HRH2: variants seen among roughly 807,000 people sequenced by gnomAD.
HRH2 encodes the protein histamine H2 receptor.
In HRH2, 4 loss-of-function variants were observed where a neutral mutation model predicts 20.1. That is an observed-to-expected ratio of 0.20 (90% CI 0.10 to 0.45). The LOEUF (loss-of-function observed/expected upper bound fraction) is 0.45, where lower values mean the gene tolerates loss of function less well. Among genes scored for constraint, HRH2 ranks in the 20% least tolerant of loss-of-function variants. HRH2 has a pLI of 0.99. For synonymous variants in HRH2, 197 were observed against 200.7 expected, an observed-to-expected ratio of 0.98 and a Z score of 0.16; for missense variants, 250 against 461.6, an observed-to-expected ratio of 0.54 and a Z score of 4.20.
chr5:175,697,372 A>G (rs1756631387), intron 2 of HRH2, among the ~76,000 whole-genome samples: 1 of 150,872 alleles, frequency 6.6e-6, no homozygotes, highest in South Asian at 2.1e-4. Flanking sequence ...CTGAGGCAGG[A>G]GAATGGCATG....
chr5:175,667,243 C>T (rs929212725), intron 1 of HRH2, among the ~76,000 whole-genome samples: 5 of 151,908 alleles, frequency 3.3e-5, no homozygotes, highest in African/African-American at 4.8e-5. Flanking sequence ...CAGGAGTTCG[C>T]GACCAGTCTG....
At chr5:175,684,490 C>A in intron 2 of HRH2, 181 bp downstream of exon 2, 1 of 396,710 alleles carries the variant, frequency 2.5e-6, no homozygotes, top group Non-Finnish European at 3.4e-6. Flanking sequence ...TAGAACTTAG[C>A]TCCCTTTTAA....
In HRH2 at chr5:175,681,362, C is replaced by A. The variant is rs1755964510; in HGVS notation, c.-525-1347C>A. Among the ~76,000 whole-genome samples, 1 of 152,212 alleles carries A rather than the reference C, an allele frequency of 6.6e-6. No homozygotes were observed. The highest frequency in any genetic ancestry group is 2.1e-4 in the South Asian group (1 of 4,830). On this transcript the variant is annotated intron_variant, in intron 1 of 2. Coordinates refer to ENST00000636584, the MANE Select transcript of HRH2 (RefSeq NM_001367711.1). The surrounding 1 kb of genome is among the most constrained non-coding windows in gnomAD (Gnocchi z 4.3). ...TATTCAGGTTGCAAACCGCTCCAGG[C>A]AAGAGCCTGGGAGAGGCTTAATTTA...
At chr5:175,705,158 A>G (rs1402326464) in intron 2 of HRH2, among the ~76,000 whole-genome samples, 3 of 152,226 alleles carry the variant, frequency 2.0e-5, no homozygotes, top group Admixed American at 6.5e-5. Flanking sequence ...CCATTAATCC[A>G]AACAGTGTTC....
At position 175,709,973 on chromosome 5, in the gene HRH2, C is replaced by T. The variant is rs948283590; in HGVS notation, c.*2002C>T. 1 of 152,416 alleles carries T rather than the reference C, an allele frequency of 6.6e-6. No individual in the cohort carries two copies. The highest frequency in any genetic ancestry group is 2.4e-5 in the African/African-American group (1 of 41,452). 9.4% of individuals were successfully genotyped at this position (152,416 alleles called of 1,614,324 possible). ...TTTTCCTTTTAGTTTGATTAACTCACTCTGCCCATTCCATGCTCAAAGCTG... is the reference window on the plus strand; with the variant it reads ...TTTTCCTTTTAGTTTGATTAACTCATTCTGCCCATTCCATGCTCAAAGCTG... On this transcript the variant is annotated 3_prime_UTR_variant, in exon 3 of 3. Coordinates refer to ENST00000636584, the MANE Select transcript of HRH2 (RefSeq NM_001367711.1).
At position 175,708,346 on chromosome 5, in the gene HRH2, T is replaced by C. The variant is rs1270128681; in HGVS notation, c.*375T>C. On this transcript the variant is annotated 3_prime_UTR_variant, in exon 3 of 3. Coordinates refer to ENST00000636584, the MANE Select transcript of HRH2 (RefSeq NM_001367711.1). ...TGACCTCTGAGCAAGGCAGAGGGTA[T>C]TGAAGAAAGCATTGGCCTCTCACTC... 1.7e-5 allele frequency: 3 copies of C among 173,864 alleles called. No homozygotes were observed. Among genetic ancestry groups the C allele is most frequent in the Non-Finnish European group, 2.4e-5 (2 of 83,204 alleles). The allele number at this position is 173,864 out of a possible 1,614,324, so 10.8% of individuals were successfully genotyped here. A position where few individuals can be genotyped will look rare whatever the true frequency, so the allele number is the denominator to read the frequency against.
At chr5:175,663,233 G>A (rs1762788461) in intron 1 of HRH2, among the ~76,000 whole-genome samples, 1 of 152,208 alleles carries the variant, frequency 6.6e-6, no homozygotes, top group Non-Finnish European at 1.5e-5. Context: ...CTTGGCGCCT[G>A]TTTGAGGAAT....
chr5:175,667,176 G>A (rs1762923928), intron 1 of HRH2, among the ~76,000 whole-genome samples: 2 of 152,116 alleles, frequency 1.3e-5, no homozygotes, highest in African/African-American at 4.8e-5. Flanking sequence ...GGGTGCGGTG[G>A]CTCATGTCTG....
At chr5:175,660,968 T>A (rs1399188263) in intron 1 of HRH2, among the ~76,000 whole-genome samples, 1 of 152,224 alleles carries the variant, frequency 6.6e-6, no homozygotes, top group East Asian at 1.9e-4. Flanking sequence ...GTCCTTAGAC[T>A]GGCATACATG....
intron 2 of HRH2, among the ~76,000 whole-genome samples, chr5:175,696,202 TCA>T (rs1239160171): frequency 6.6e-6 from 1 of 152,230 alleles, no homozygotes; most frequent in Non-Finnish European, 1.5e-5. Context: ...AAAAAACATT[TCA>T]CAGTTTTAAG....
intron 2 of HRH2, among the ~76,000 whole-genome samples, chr5:175,691,535 C>T (rs1044321714): frequency 5.9e-5 from 9 of 152,118 alleles, no homozygotes; most frequent in Non-Finnish European, 2.9e-5. Flanking sequence ...CGTGATGGGG[C>T]GGGAAGGGGC....
At chr5:175,661,829 G>A (rs1353047081) in intron 1 of HRH2, among the ~76,000 whole-genome samples, 1 of 152,116 alleles carries the variant, frequency 6.6e-6, no homozygotes, top group East Asian at 1.9e-4. Context: ...AGACCAGCCT[G>A]GCTAATATGG....
Position 175,682,980 on chromosome 5 carries a change from T to G in HRH2, c.-254T>G. On this transcript the variant is annotated 5_prime_UTR_variant, in exon 2 of 3. Transcript: ENST00000636584. Reference sequence around the variant, plus strand: ...ATGAACCTGGCTTCGAGGCCTTGCTTTTCTCTCTTCTTCATTCATATTCAT... The same window carrying G: ...ATGAACCTGGCTTCGAGGCCTTGCTGTTCTCTCTTCTTCATTCATATTCAT... The G allele has an allele frequency of 6.8e-6, 3 of 441,942 alleles. No individual in the cohort carries two copies. Among genetic ancestry groups the G allele is most frequent in the Admixed American group, 3.9e-5 (1 of 25,634 alleles). 27.4% of individuals were successfully genotyped at this position (441,942 alleles called of 1,614,324 possible).
chr5:175,673,076 A>C (rs898440887), intron 1 of HRH2, among the ~76,000 whole-genome samples: 2 of 152,178 alleles, frequency 1.3e-5, no homozygotes, highest in Non-Finnish European at 2.9e-5. Flanking sequence ...AAGAGCGTGT[A>C]ACAGGACAAA....
chr5:175,703,317 A>G (rs2113562603), intron 2 of HRH2, among the ~76,000 whole-genome samples: 2 of 152,354 alleles, frequency 1.3e-5, no homozygotes, highest in Middle Eastern at 3.4e-3. Context: ...ACATTTTTTA[A>G]TAGATCATGG....
intron 2 of HRH2, 138 bp downstream of exon 2, chr5:175,684,447 CT>C: frequency 8.0e-7 from 1 of 1,255,050 alleles, no homozygotes; most frequent in Admixed American, 2.5e-5. Flanking sequence ...TGTAAACACC[CT>C]CTTGCTTAAT....
intron 2 of HRH2, among the ~76,000 whole-genome samples, chr5:175,705,705 C>G (rs1756925689): frequency 6.6e-6 from 1 of 151,994 alleles, no homozygotes; most frequent in Admixed American, 6.6e-5. Flanking sequence ...CTTTGTCCCC[C>G]AGGCTGGAGT....
intron 2 of HRH2, among the ~76,000 whole-genome samples, chr5:175,706,096 T>C (rs951323490): frequency 2.6e-5 from 4 of 152,220 alleles, no homozygotes; most frequent in Admixed American, 6.5e-5. Context: ...CACGATTTTA[T>C]ATACCTACAA....
At chr5:175,668,296 AC>A (rs1228141551) in intron 1 of HRH2, among the ~76,000 whole-genome samples, 1 of 152,180 alleles carries the variant, frequency 6.6e-6, no homozygotes, top group Non-Finnish European at 1.5e-5. Context: ...GGCTTGGCAC[AC>A]ATTTACCCAC....
Sources: gnomAD v4.1 joint callset for allele counts (sites outside exome capture counted in the v4.1 genomes callset) on GRCh38, gnomAD v4.1.1 for gene constraint, Gnocchi (gnomAD v3.1) non-coding constraint, MANE v1.5 for transcripts, NCBI Gene and HGNC (gene_info 2026-07-23, HGNC 2026-07-21) for gene names.